GPHN: variants seen among roughly 807,000 people sequenced by gnomAD.
GPHN encodes the protein gephyrin.
Under a neutral mutation model 95.5 loss-of-function variants are expected in GPHN, and 17 were observed. The ratio of observed to expected loss-of-function variants is 0.18; its 90% CI spans 0.12 to 0.27. GPHN has a LOEUF of 0.27. Among genes scored for constraint, GPHN ranks in the 10% least tolerant of loss-of-function variants. The probability of loss-of-function intolerance (pLI) is 1.00; values close to 1 mark genes in which losing one functional copy is unlikely to be tolerated. For missense variants in GPHN, 660 were observed against 978.1 expected (o/e 0.67, Z 4.34); for synonymous variants, 320 against 322.5 (o/e 0.99, Z 0.08).
rs770812117 is a variant in GPHN at position 67,058,755 on chromosome 14, G to A, written c.1113G>A (p.Pro371=). 1.4e-5 allele frequency: 22 copies of A among 1,613,444 alleles called. No homozygotes were observed. The highest frequency in any genetic ancestry group is 1.2e-4 in the Admixed American group (7 of 59,992). ...KAFITVLEMT[P]VLGTEIINYR... ...TTATCACAGTCCTGGAGATGACTCCGGTGCTTGGGACAGAAATCATCAATT... is the reference window on the plus strand; with the variant it reads ...TTATCACAGTCCTGGAGATGACTCCAGTGCTTGGGACAGAAATCATCAATT... Residue 371 remains proline, a synonymous_variant, in exon 11 of 23, where the codon CCG becomes CCA. Coordinates refer to ENST00000478722, the MANE Select transcript of GPHN (RefSeq NM_020806.5).
At chr14:67,674,394 C>G in the GPHN span, 18 of 1,602,266 alleles carry the variant, frequency 1.1e-5, no homozygotes, top group Non-Finnish European at 1.4e-5. Flanking sequence ...CCGTCCCCAG[C>G]AGCCGCTCGG....
intron 1 of GPHN, among the ~76,000 whole-genome samples, chr14:66,570,077 C>G (rs866766046): frequency 6.6e-6 from 1 of 151,816 alleles, no homozygotes; most frequent in African/African-American, 2.4e-5. Flanking sequence ...CATTTAACAA[C>G]ATGGATGAAT....
At chr14:67,358,211 T>A in the GPHN span, among the ~76,000 whole-genome samples, 1 of 152,198 alleles carries the variant, frequency 6.6e-6, no homozygotes, top group Non-Finnish European at 1.5e-5. Flanking sequence ...CATCACGTCC[T>A]AGGAGTTCTG....
At chr14:66,861,126 T>C (rs1294378000) in intron 4 of GPHN, among the ~76,000 whole-genome samples, 1 of 152,058 alleles carries the variant, frequency 6.6e-6, no homozygotes, top group Admixed American at 6.5e-5. Context: ...CAATGTTCTG[T>C]TACCTGTGAG....
At chr14:67,118,796 C>T (rs2078846796) in intron 16 of GPHN, among the ~76,000 whole-genome samples, 1 of 151,590 alleles carries the variant, frequency 6.6e-6, no homozygotes, top group Non-Finnish European at 1.5e-5. Context: ...AATTTATGTC[C>T]TACTTTTAGG....
chr14:67,093,916 T>C (rs1157396343), intron 12 of GPHN, among the ~76,000 whole-genome samples: 1 of 152,102 alleles, frequency 6.6e-6, no homozygotes, highest in Non-Finnish European at 1.5e-5. Context: ...CCTGTGCCCT[T>C]CTTGCAGTCT....
At chr14:66,909,651 C>T (rs1018280826) in intron 5 of GPHN, among the ~76,000 whole-genome samples, 2 of 151,888 alleles carry the variant, frequency 1.3e-5, no homozygotes, top group Non-Finnish European at 1.5e-5. Context: ...AGCAATGATT[C>T]GAAGGGAACT....
the GPHN span, chr14:67,390,755 AAG>A: frequency 6.3e-7 from 1 of 1,595,370 alleles, no homozygotes; most frequent in African/African-American, 1.3e-5. Context: ...CCCTGAGGCA[AAG>A]AAATGGTTCA....
chr14:67,053,383 A>G (rs113338349), intron 10 of GPHN, among the ~76,000 whole-genome samples: 10,110 of 152,062 alleles, frequency 0.066, 356 homozygotes, highest in Middle Eastern at 0.085. Context: ...ATAAATTCCT[A>G]GACACACACA....
the GPHN span, chr14:67,727,532 G>C: frequency 3.0e-6 from 1 of 330,864 alleles, no homozygotes; most frequent in East Asian, 8.5e-5. Flanking sequence ...GCCCAGGCTG[G>C]AGTGCAGTAG....
chr14:66,920,301 GA>G (rs1157820246), intron 6 of GPHN, among the ~76,000 whole-genome samples: 5 of 152,058 alleles, frequency 3.3e-5, no homozygotes, highest in Admixed American at 2.6e-4. Context: ...TCTTGGGGAG[GA>G]GGGGATGGAA....
intron 19 of GPHN, 45 bp downstream of exon 19, chr14:67,159,533 T>C: frequency 1.9e-6 from 2 of 1,051,366 alleles, no homozygotes; most frequent in Non-Finnish European, 3.0e-6. Flanking sequence ...TTGGTTTGGC[T>C]TGCTTTAACT....
In GPHN at chr14:66,662,082, G is replaced by A. The variant is rs111964625; in HGVS notation, c.65-19025G>A. Among the ~76,000 whole-genome samples the A allele has an allele frequency of 8.3e-4, 126 of 152,178 alleles. 1 individual carries two copies. Among genetic ancestry groups the A allele is most frequent in the Non-Finnish European group, 1.4e-3 (98 of 67,992 alleles). ...CATTTTTTCTGTCTCAGCAACTTCC[G>A]TAGTTTACAGACTTTGGAGAGCCCA... On this transcript the variant is annotated intron_variant, in intron 1 of 22. Transcript: ENST00000478722.
chr14:66,905,900 C>T (rs1327305603), intron 5 of GPHN, among the ~76,000 whole-genome samples: 1 of 151,726 alleles, frequency 6.6e-6, no homozygotes, highest in Non-Finnish European at 1.5e-5. Flanking sequence ...CTGCAGAGGA[C>T]ATGATTTAAT....
chr14:66,587,356 A>G (rs1354938074), intron 1 of GPHN, among the ~76,000 whole-genome samples: 4 of 152,242 alleles, frequency 2.6e-5, no homozygotes, highest in African/African-American at 9.6e-5. Flanking sequence ...ATTGAGGAGT[A>G]GATAAATCTT....
rs187915930 is a variant in GPHN, at chr14:66,668,802, T to G, written c.65-12305T>G. On this transcript the variant is annotated intron_variant, in intron 1 of 22. Transcript: ENST00000478722. ...ACCCGTGAACTTAAAAAAGAAAAAG[T>G]GCTTCCTTCTAGCCTTTCTGGTTTC... 2.6e-4 allele frequency among the ~76,000 whole-genome samples: 40 copies of G among 152,196 alleles called. 1 individual carries two copies. In the East Asian group the frequency reaches 7.7e-3, roughly 29 times the overall value.
At chr14:67,301,591 C>T in the GPHN span, 1 of 511,374 alleles carries the variant, frequency 2.0e-6, no homozygotes, top group Non-Finnish European at 3.3e-6. Context: ...TTTACAACCC[C>T]ATCTATAACA....
intron 2 of GPHN, among the ~76,000 whole-genome samples, chr14:66,731,902 T>C (rs185278405): frequency 1.5e-3 from 235 of 152,272 alleles, no homozygotes; most frequent in African/African-American, 5.4e-3. Flanking sequence ...GCTCCAGCCA[T>C]GGCTAAAAGG....
the GPHN span, among the ~76,000 whole-genome samples, chr14:67,654,161 C>T: frequency 6.6e-6 from 1 of 152,214 alleles, no homozygotes; most frequent in Non-Finnish European, 1.5e-5. Flanking sequence ...GGCTGGAGTG[C>T]AGTGCTGCAA....
Sources: allele counts gnomAD v4.1 joint callset (sites outside exome capture counted in the v4.1 genomes callset), GRCh38; gene constraint gnomAD v4.1.1; transcripts MANE v1.5; gene names NCBI Gene and HGNC (gene_info 2026-07-23, HGNC 2026-07-21).